Variants in DRD3 observed in about 807,000 individuals in gnomAD.
The protein encoded by DRD3 is D(3) dopamine receptor.
In DRD3, 19 loss-of-function variants were observed where a neutral mutation model predicts 36.3. The observed-to-expected ratio is 0.52, with a 90% CI of 0.36 to 0.77. The LOEUF (loss-of-function observed/expected upper bound fraction) is 0.77. Among genes scored for constraint, DRD3 ranks in the 30% least tolerant of loss-of-function variants. The pLI is 0.00. For missense variants in DRD3, 465 were observed against 505.3 expected (o/e 0.92, Z 0.77); for synonymous variants, 195 against 203.7 (o/e 0.96, Z 0.36).
At chr3:114,132,772 T>C (rs149148469) in intron 5 of DRD3, among the ~76,000 whole-genome samples, 81 of 152,208 alleles carry the variant, frequency 5.3e-4, no homozygotes, top group African/African-American at 1.9e-3. Flanking sequence ...AATGACTCAG[T>C]TTCTTCAACA....
At chr3:114,134,100 TG>T (rs1476965399) in intron 5 of DRD3, among the ~76,000 whole-genome samples, 2 of 152,240 alleles carry the variant, frequency 1.3e-5, no homozygotes, top group Non-Finnish European at 2.9e-5. Context: ...CCAGTAAATT[TG>T]TTTTCTACGT....
At chr3:114,163,247 T>C (rs2077750228) in intron 2 of DRD3, among the ~76,000 whole-genome samples, 1 of 147,878 alleles carries the variant, frequency 6.8e-6, no homozygotes, top group Non-Finnish European at 1.5e-5. Context: ...AATGAGTCTC[T>C]AATTGGTGGG....
rs1389898383 is a variant in DRD3, at chr3:114,171,718, C to A, written c.270+5G>T. 5 of 1,587,938 alleles carry A rather than the reference C, an allele frequency of 3.1e-6. No homozygotes were observed. The highest frequency in any genetic ancestry group is 4.3e-6 in the Non-Finnish European group (5 of 1,166,420). On this transcript the variant is annotated splice_donor_5th_base_variant and intron_variant, in intron 2 of 6. Transcript: ENST00000383673. Reference sequence around the variant, plus strand: ...AGAGACAACATGCACCTGAAGTCTACTCACCTCCAGGTATACCACCCAGGG... The same window carrying A: ...AGAGACAACATGCACCTGAAGTCTAATCACCTCCAGGTATACCACCCAGGG...
At chr3:114,179,844 A>G (rs1050132106), upstream of DRD3, among the ~76,000 whole-genome samples, 11 of 152,332 alleles carry the variant, frequency 7.2e-5, no homozygotes, top group Middle Eastern at 6.8e-3. Flanking sequence ...CAGCATCAAC[A>G]AGGTCTAAAT....
intron 1 of DRD3, among the ~76,000 whole-genome samples, chr3:114,187,227 G>A (rs1185195955): frequency 2.6e-5 from 4 of 152,134 alleles, no homozygotes; most frequent in East Asian, 1.9e-4. Flanking sequence ...AGAAATAAAC[G>A]ATCATTATTT....
rs530993600 is a variant in DRD3, at chr3:114,135,677, TG to T, written c.723+3822del. 2.1e-4 allele frequency among the ~76,000 whole-genome samples: 32 copies of T among 152,130 alleles called. 1 individual carries two copies. In the South Asian group the frequency reaches 4.4e-3, roughly 21 times the overall value. Reference sequence around the variant, plus strand: ...AGAGATTATGGTGTGTTTTTTTGTTTGTTTTTTTTTGTTGTTGTTTGTTTGT... The same window carrying T: ...AGAGATTATGGTGTGTTTTTTTGTTTTTTTTTTTTGTTGTTGTTTGTTTGT... On this transcript the variant is annotated intron_variant, in intron 5 of 6. Transcript: ENST00000383673.
At position 114,128,920 on chromosome 3, in the gene DRD3, G is replaced by A. The variant is rs2077402140; in HGVS notation, c.1007-8C>T. 6.4e-7 allele frequency: 1 copy of A among 1,567,948 alleles called. No individual in the cohort carries two copies. The highest frequency in any genetic ancestry group is 1.4e-5 in the African/African-American group (1 of 73,150). On this transcript the variant is annotated splice_polypyrimidine_tract_variant and splice_region_variant and intron_variant, in intron 6 of 6. Coordinates refer to ENST00000383673, the MANE Select transcript of DRD3 (RefSeq NM_000796.6). ...AGCAGACAATGAAGGCCCCTAAGTT[G>A]CCAAATAAGAGAGAAACTGGGTAAG... is the stretch of plus-strand genomic sequence containing the variant.
At chr3:114,156,835 CCTTT>C (rs140658074) in intron 3 of DRD3, among the ~76,000 whole-genome samples, 121,666 of 136,410 alleles carry the variant, frequency 0.89, 54,638 homozygotes, top group Non-Finnish European at 0.94. Context: ...TTCTTTCTTT[CCTTT>C]CTTTCTTTTC....
chr3:114,179,398 A>C (rs1362530545), upstream of DRD3, among the ~76,000 whole-genome samples: 1 of 152,208 alleles, frequency 6.6e-6, no homozygotes, highest in Non-Finnish European at 1.5e-5. Context: ...ACTGGCAATA[A>C]GGATGAAATA....
intron 1 of DRD3, 64 bp from the exon 2 acceptor site, chr3:114,172,091 C>A: frequency 8.0e-7 from 1 of 1,247,716 alleles, no homozygotes; most frequent in Admixed American, 3.9e-5. Flanking sequence ...TGCTTAGTTA[C>A]ATTTTTTTAT....
At chr3:114,158,126 AG>A (rs2077699364) in intron 3 of DRD3, among the ~76,000 whole-genome samples, 1 of 151,984 alleles carries the variant, frequency 6.6e-6, no homozygotes, top group Admixed American at 6.6e-5. Flanking sequence ...AGAAAAAAAG[AG>A]GGGTCCAGAT....
intron 1 of DRD3, among the ~76,000 whole-genome samples, chr3:114,193,269 A>G (rs1336366315): frequency 2.0e-5 from 3 of 151,928 alleles, no homozygotes; most frequent in Non-Finnish European, 4.4e-5. Context: ...ACAGAGTGAG[A>G]CTCCGTCTCA....
chr3:114,183,895 C>T (rs2077960982), upstream of DRD3, among the ~76,000 whole-genome samples: 1 of 152,014 alleles, frequency 6.6e-6, no homozygotes, highest in Admixed American at 6.6e-5. Flanking sequence ...ATCCAGCAAT[C>T]ATGTGTTTTT....
chr3:114,159,971 T>A (rs1166536812), intron 2 of DRD3, 104 bp from the exon 3 acceptor site: 10 of 901,598 alleles, frequency 1.1e-5, no homozygotes, highest in Middle Eastern at 2.2e-4. Flanking sequence ...ATGTTGGCAC[T>A]CCTACTCCCT....
chr3:114,174,644 G>A (rs1305189299), intron 1 of DRD3, among the ~76,000 whole-genome samples: 1 of 151,800 alleles, frequency 6.6e-6, no homozygotes, highest in East Asian at 1.9e-4. Context: ...TGTTCAGGTA[G>A]TTTCTGATGA....
chr3:114,187,458 G>T (rs1442773878), intron 1 of DRD3, among the ~76,000 whole-genome samples: 1 of 152,246 alleles, frequency 6.6e-6, no homozygotes, highest in Non-Finnish European at 1.5e-5. Flanking sequence ...GACAGGACTT[G>T]TAGGACTTTG....
Position 114,171,713 on chromosome 3 carries a change from G to T in DRD3, c.270+10C>A. ...GTCATAGAGACAACATGCACCTGAA[G>T]TCTACTCACCTCCAGGTATACCACC... On this transcript the variant is annotated intron_variant, in intron 2 of 6. Coordinates refer to ENST00000383673, the MANE Select transcript of DRD3 (RefSeq NM_000796.6). 1 of 1,581,994 alleles carries T rather than the reference G, an allele frequency of 6.3e-7. No homozygotes were observed.
chr3:114,194,531 C>A (rs192982695), intron 1 of DRD3, among the ~76,000 whole-genome samples: 16 of 152,286 alleles, frequency 1.1e-4, no homozygotes, highest in African/African-American at 3.8e-4. Context: ...AGTCCACCCA[C>A]CTCGGCCTCC....
At position 114,168,888 on chromosome 3, in the gene DRD3, G is replaced by A. The variant is rs185700268; in HGVS notation, c.270+2835C>T. 6.6e-5 allele frequency among the ~76,000 whole-genome samples: 10 copies of A among 152,302 alleles called. No homozygotes were observed. In the East Asian group the frequency reaches 1.9e-3, roughly 29 times the overall value. On this transcript the variant is annotated intron_variant, in intron 2 of 6. Transcript: ENST00000383673. ...AATGAGCCAATTTTCCTTCGAAGAA[G>A]GTGGATGTGTTCAAATCAAAGCACA...
Sources: allele counts gnomAD v4.1 joint callset (sites outside exome capture counted in the v4.1 genomes callset), GRCh38; gene constraint gnomAD v4.1.1; transcripts MANE v1.5; gene names NCBI Gene and HGNC (gene_info 2026-07-23, HGNC 2026-07-21).